Variants in RIOK1 observed in about 807,000 individuals in gnomAD.
The protein encoded by RIOK1 is serine/threonine-protein kinase RIO1.
Under a neutral mutation model 73.5 loss-of-function variants are expected in RIOK1, and 66 were observed. The observed-to-expected ratio is 0.90, with a 90% CI of 0.74 to 1.10. The LOEUF is 1.10. RIOK1 is among the 50% of genes least tolerant of loss of function. The pLI, the probability that RIOK1 is intolerant of heterozygous loss-of-function variation, is 0.00. For missense variants in RIOK1, 658 were observed against 699.8 expected, an observed-to-expected ratio of 0.94 and a Z score of 0.67; for synonymous variants, 224 against 226.8, an observed-to-expected ratio of 0.99 and a Z score of 0.11.
intron 4 of RIOK1, 44 bp downstream of exon 4, chr6:7,396,816 C>A: frequency 1.0e-6 from 1 of 997,018 alleles, no homozygotes; most frequent in Non-Finnish European, 1.6e-6. Flanking sequence ...AAGGACTAAT[C>A]TAGATTAAGC....
At chr6:7,395,237 G>T (rs1162590162) in intron 3 of RIOK1, 94 bp downstream of exon 3, 4 of 1,401,984 alleles carry the variant, frequency 2.9e-6, no homozygotes, top group Non-Finnish European at 2.9e-6. Flanking sequence ...ATGAAGGCTG[G>T]CCGTGGTGGC....
intron 8 of RIOK1, 71 bp from the exon 9 acceptor site, chr6:7,403,870 C>A (rs1761672705): frequency 1.1e-6 from 1 of 940,460 alleles, no homozygotes; most frequent in Non-Finnish European, 1.7e-6. Context: ...AATCTTGGGA[C>A]CTGCAGTTGT....
chr6:7,408,444 C>T (rs555119775), intron 12 of RIOK1, among the ~76,000 whole-genome samples: 4 of 152,278 alleles, frequency 2.6e-5, no homozygotes, highest in Admixed American at 6.5e-5. Context: ...TTTAAAGCTC[C>T]AGTTAGAAAG....
intron 6 of RIOK1, 120 bp downstream of exon 6, chr6:7,401,170 A>C (rs957045208): frequency 4.4e-6 from 3 of 688,174 alleles, no homozygotes; most frequent in Non-Finnish European, 7.6e-6. Flanking sequence ...ATACACATTA[A>C]TATTCATGGT....
intron 12 of RIOK1, among the ~76,000 whole-genome samples, chr6:7,405,772 C>T (rs1761728428): frequency 6.7e-6 from 1 of 148,750 alleles, no homozygotes. Context: ...ATGGTAAAGC[C>T]AGGGGTTTTT....
rs1244657482 is a variant in RIOK1, at chr6:7,402,917, G to C, written c.767+20G>C. On this transcript the variant is annotated intron_variant, in intron 8 of 16. Coordinates refer to ENST00000379834, the MANE Select transcript of RIOK1 (RefSeq NM_031480.3). Reference sequence around the variant, plus strand: ...AATCAGGTGACTGTCTGGGATGTGTGTATGTCTGTCCTATGCCCTGTACAT... The same window carrying C: ...AATCAGGTGACTGTCTGGGATGTGTCTATGTCTGTCCTATGCCCTGTACAT... 3.7e-6 allele frequency: 6 copies of C among 1,608,518 alleles called. No individual in the cohort carries two copies. Among genetic ancestry groups the C allele is most frequent in the Non-Finnish European group, 5.1e-6 (6 of 1,175,678 alleles).
chr6:7,396,050 G>A (rs964044017), intron 3 of RIOK1, among the ~76,000 whole-genome samples: 1 of 152,142 alleles, frequency 6.6e-6, no homozygotes, highest in Non-Finnish European at 1.5e-5. Flanking sequence ...GTAGGATGTT[G>A]AAAATACTAG....
chr6:7,400,167 G>A (rs1761574803), intron 5 of RIOK1, among the ~76,000 whole-genome samples: 1 of 152,334 alleles, frequency 6.6e-6, no homozygotes, highest in Non-Finnish European at 1.5e-5. Flanking sequence ...TGAAGGAAAT[G>A]CTTACCGTGA....
chr6:7,404,650 TC>T (rs1761699581), intron 10 of RIOK1, 95 bp downstream of exon 10: 2 of 1,440,878 alleles, frequency 1.4e-6, no homozygotes, highest in Non-Finnish European at 1.9e-6. Context: ...CACACTAACT[TC>T]TGAAGTTTTA....
At chr6:7,417,041 C>T (rs1407169072) in intron 16 of RIOK1, among the ~76,000 whole-genome samples, 14 of 151,578 alleles carry the variant, frequency 9.2e-5, no homozygotes, top group Non-Finnish European at 1.9e-4. Context: ...CCCAGGAGGT[C>T]GAGACCAGCC....
chr6:7,407,363 A>G (rs1314670438), intron 12 of RIOK1, among the ~76,000 whole-genome samples: 1 of 151,396 alleles, frequency 6.6e-6, no homozygotes, highest in Admixed American at 6.6e-5. Flanking sequence ...ACAATGAGAG[A>G]CCCCCTAATG....
At chr6:7,415,907 TATC>T (rs199729879) in intron 16 of RIOK1, among the ~76,000 whole-genome samples, 1,539 of 152,358 alleles carry the variant, frequency 0.01, 20 homozygotes, top group African/African-American at 0.035. Flanking sequence ...TATTAGTTAT[TATC>T]TCTTACTGTG....
intron 6 of RIOK1, among the ~76,000 whole-genome samples, chr6:7,401,604 G>A (rs549565391): frequency 6.6e-6 from 1 of 150,784 alleles, no homozygotes; most frequent in East Asian, 1.9e-4. Context: ...TTATTTAAAA[G>A]TGTAAAACCC....
At position 7,403,901 on chromosome 6, in the gene RIOK1, C is replaced by A. The variant is rs758072532; in HGVS notation, c.768-40C>A. ...GTTGTAATTTATTTAGATGCCTTTTCAACTTTTCAGTTGTCCTTTTATTTG... is the reference window on the plus strand; with the variant it reads ...GTTGTAATTTATTTAGATGCCTTTTAAACTTTTCAGTTGTCCTTTTATTTG... On this transcript the variant is annotated intron_variant, in intron 8 of 16. Transcript: ENST00000379834. The A allele has an allele frequency of 2.0e-5, 30 of 1,475,404 alleles. No homozygotes were observed. In the Admixed American group the frequency reaches 5.0e-4, roughly 24 times the overall value. 91.4% of individuals were successfully genotyped at this position (1,475,404 alleles called of 1,614,324 possible).
intron 1 of RIOK1, among the ~76,000 whole-genome samples, chr6:7,392,243 C>CAA (rs35570327): frequency 9.6e-4 from 106 of 110,722 alleles, no homozygotes; most frequent in African/African-American, 2.4e-3. Flanking sequence ...TCTAATATGG[C>CAA]AAAAAAAAAA....
At chr6:7,399,905 C>T (rs1299827694) in intron 5 of RIOK1, among the ~76,000 whole-genome samples, 7 of 152,154 alleles carry the variant, frequency 4.6e-5, no homozygotes. Flanking sequence ...GGTGTGACCC[C>T]AGCCACTTCA....
chr6:7,390,104 G>A, intron 1 of RIOK1, 31 bp downstream of exon 1: 1 of 1,545,212 alleles, frequency 6.5e-7, no homozygotes, highest in African/African-American at 1.4e-5. Flanking sequence ...CTGGCTCTGG[G>A]TACGGCTCTC....
At chr6:7,391,714 C>T (rs900756507) in intron 1 of RIOK1, among the ~76,000 whole-genome samples, 2 of 152,176 alleles carry the variant, frequency 1.3e-5, no homozygotes, top group Non-Finnish European at 2.9e-5. Flanking sequence ...GGTGGTGGTA[C>T]ATTAGTGGCA....
intron 16 of RIOK1, among the ~76,000 whole-genome samples, chr6:7,416,312 A>T (rs1761998539): frequency 6.6e-6 from 1 of 152,214 alleles, no homozygotes. Flanking sequence ...ACATTTAATA[A>T]CATTCTTAGG....
Sources: allele counts gnomAD v4.1 joint callset (sites outside exome capture counted in the v4.1 genomes callset), GRCh38; gene constraint gnomAD v4.1.1; transcripts MANE v1.5; gene names NCBI Gene and HGNC (gene_info 2026-07-23, HGNC 2026-07-21).